Variants in DNAH11 observed in about 807,000 individuals in gnomAD.
DNAH11 encodes axonemal beta dynein heavy chain 11.
In DNAH11, 442 loss-of-function variants were observed where a neutral mutation model predicts 526.0. That is an observed-to-expected ratio of 0.84 (90% CI 0.78 to 0.91). The LOEUF is 0.91. Ranked by LOEUF, DNAH11 falls within the 40% of genes least tolerant of loss-of-function variation. DNAH11 has a pLI of 0.00. For missense variants in DNAH11, 6,989 were observed against 5,448.7 expected (o/e 1.28, Z -8.90); for synonymous variants, 2,461 against 1,935.9 (o/e 1.27, Z -7.12).
intron 42 of DNAH11, among the ~76,000 whole-genome samples, chr7:21,716,576 CTCT>C (rs1300314436): frequency 6.6e-6 from 1 of 152,160 alleles, no homozygotes; most frequent in Non-Finnish European, 1.5e-5. Context: ...CCTCTTTCAC[CTCT>C]TCTTGATAAG....
chr7:21,754,208 A>G (rs1214586386), intron 54 of DNAH11, among the ~76,000 whole-genome samples: 1 of 152,154 alleles, frequency 6.6e-6, no homozygotes, highest in Non-Finnish European at 1.5e-5. Flanking sequence ...GATGTGTCTA[A>G]TGTTTCACTG....
At chr7:21,576,991 A>C (rs974252991) in intron 8 of DNAH11, among the ~76,000 whole-genome samples, 1 of 152,216 alleles carries the variant, frequency 6.6e-6, no homozygotes, top group African/African-American at 2.4e-5. Flanking sequence ...AACAGACCTA[A>C]GAAGACTCTG....
intron 63 of DNAH11, among the ~76,000 whole-genome samples, chr7:21,809,337 A>G (rs1218994661): frequency 6.6e-6 from 1 of 152,086 alleles, no homozygotes; most frequent in Non-Finnish European, 1.5e-5. Context: ...TCTGTAGATT[A>G]TCTTTTCACT....
At chr7:21,772,962 A>T (rs1443613378) in intron 55 of DNAH11, among the ~76,000 whole-genome samples, 1 of 152,166 alleles carries the variant, frequency 6.6e-6, no homozygotes, top group Non-Finnish European at 1.5e-5. Context: ...CACTTTGGTA[A>T]ATTATGTGTG....
Position 21,744,508 on chromosome 7 carries a change from C to T in DNAH11, c.8225C>T (p.Ser2742Phe). 1 of 1,613,898 alleles carries T rather than the reference C, an allele frequency of 6.2e-7. No homozygotes were observed. Among genetic ancestry groups the T allele is most frequent in the Non-Finnish European group, 8.5e-7 (1 of 1,179,824 alleles). The change falls in exon 50 of 82, where the codon TCT (serine) becomes TTT (phenylalanine). Residue 2742 changes from serine (S) to phenylalanine (F), a missense_variant. By Grantham distance (155) the Ser-to-Phe change is radical (BLOSUM62 -2). Coordinates refer to ENST00000409508, the MANE Select transcript of DNAH11 (RefSeq NM_001277115.2). ...TTAATACATCTGTGGCTTCATGAAT[C>T]TGCCCGTGTTTATGGAGACAAACTG... is the stretch of plus-strand genomic sequence containing the variant. Reference protein sequence around the residue: ...LDLIHLWLHESARVYGDKLID... With the variant: ...LDLIHLWLHEFARVYGDKLID...
intron 72 of DNAH11, among the ~76,000 whole-genome samples, chr7:21,868,567 G>A (rs544406321): frequency 1.7e-4 from 26 of 152,270 alleles, no homozygotes; most frequent in Middle Eastern, 3.4e-3. Flanking sequence ...TGCTACTCCT[G>A]CAAGAGTTTA....
rs557996253 is a variant in DNAH11 at position 21,576,682 on chromosome 7, G to C, written c.1593+4709G>C. Among the ~76,000 whole-genome samples, 9 of 152,276 alleles carry C rather than the reference G, an allele frequency of 5.9e-5. No individual in the cohort carries two copies. In the South Asian group the frequency reaches 1.7e-3, roughly 28 times the overall value. On this transcript the variant is annotated intron_variant, in intron 8 of 81. Transcript: ENST00000409508. ...ATATCAGTGTCAATGCTGTATTTCAGCTTACTCGTGAAGACCTGGTCTTTG... is the reference window on the plus strand; with the variant it reads ...ATATCAGTGTCAATGCTGTATTTCACCTTACTCGTGAAGACCTGGTCTTTG...
rs367584390 is a variant in DNAH11 at position 21,901,070 on chromosome 7, C to T, written c.13367C>T (p.Pro4456Leu). The T allele has an allele frequency of 9.9e-6, 16 of 1,613,798 alleles. No homozygotes were observed. The highest frequency in any genetic ancestry group is 1.1e-5 in the Non-Finnish European group (13 of 1,179,824). Residue 4456 changes from proline (P) to leucine (L), a missense_variant, in exon 82 of 82, where the codon CCT (proline) becomes CTT (leucine). By Grantham distance (98) the Pro-to-Leu change is moderately conservative (BLOSUM62 -3). Transcript: ENST00000409508. ...VEARLKELACPMPVIFAKATP... is the reference protein window; with the variant it reads ...VEARLKELACLMPVIFAKATP... ...GCCCGTCTCAAGGAGCTGGCATGCC[C>T]TATGCCGGTCATCTTTGCAAAAGCC...
intron 28 of DNAH11, among the ~76,000 whole-genome samples, chr7:21,652,096 G>A (rs989359091): frequency 6.6e-6 from 1 of 152,188 alleles, no homozygotes; most frequent in Non-Finnish European, 1.5e-5. Context: ...ACATAGATGG[G>A]AGTCACAGAA....
intron 42 of DNAH11, among the ~76,000 whole-genome samples, chr7:21,712,990 G>A (rs1583618791): frequency 6.6e-6 from 1 of 152,164 alleles, no homozygotes; most frequent in East Asian, 1.9e-4. Context: ...TACATAAAAA[G>A]AAATCACTTA....
intron 42 of DNAH11, among the ~76,000 whole-genome samples, chr7:21,714,151 C>T (rs1223127514): frequency 6.6e-6 from 1 of 152,180 alleles, no homozygotes; most frequent in East Asian, 1.9e-4. Context: ...TGGTCCAAAT[C>T]CCTAAAGAAG....
chr7:21,812,909 C>T (rs1008684033), intron 63 of DNAH11, among the ~76,000 whole-genome samples: 1 of 152,096 alleles, frequency 6.6e-6, no homozygotes, highest in Non-Finnish European at 1.5e-5. Flanking sequence ...GGGTTGACGG[C>T]CATTACCCTT....
At chr7:21,697,177 C>G (rs1783893277) in intron 35 of DNAH11, among the ~76,000 whole-genome samples, 1 of 151,960 alleles carries the variant, frequency 6.6e-6, no homozygotes, top group Non-Finnish European at 1.5e-5. Context: ...AAATAATGAG[C>G]TTATTTATTT....
Position 21,659,010 on chromosome 7 carries a change from G to A in DNAH11, c.5307G>A (p.Leu1769=). The A allele has an allele frequency of 1.3e-6, 2 of 1,599,450 alleles. No individual in the cohort carries two copies. The highest frequency in any genetic ancestry group is 1.7e-6 in the Non-Finnish European group (2 of 1,173,758). The change falls in exon 30 of 82, where the codon CTG becomes CTA. Residue 1769 remains leucine (L), a synonymous_variant. Transcript: ENST00000409508. The stretch of plus-strand genomic sequence containing the variant: ...TGGAAGAAGGCTACGAAACAGCCCT[G>A]AAGGATTTCCATAAAAAACAGGTAT... ...SRLEEGYETA[L]KDFHKKQISQ... is the part of the protein sequence containing the mutation.
At chr7:21,744,147 A>G (rs573773733) in intron 49 of DNAH11, among the ~76,000 whole-genome samples, 1 of 152,302 alleles carries the variant, frequency 6.6e-6, no homozygotes, top group South Asian at 2.1e-4. Context: ...AACTTAGTCC[A>G]TTGTAAGGCT....
Position 21,818,346 on chromosome 7 carries a change from A to T in DNAH11, c.10691+7A>T. 2 of 1,606,080 alleles carry T rather than the reference A, an allele frequency of 1.2e-6. No homozygotes were observed. Among genetic ancestry groups the T allele is most frequent in the Non-Finnish European group, 1.7e-6 (2 of 1,177,162 alleles). On this transcript the variant is annotated splice_region_variant and intron_variant, in intron 65 of 81. Coordinates refer to ENST00000409508, the MANE Select transcript of DNAH11 (RefSeq NM_001277115.2). ...ACACAATTAAAAAAGGAAAGTAAGT[A>T]TTCTTGAATTTTTAACATATATATC...
chr7:21,583,361 G>A (rs897237044), intron 9 of DNAH11, among the ~76,000 whole-genome samples: 10 of 152,146 alleles, frequency 6.6e-5, no homozygotes, highest in Non-Finnish European at 1.5e-4. Context: ...TTAATAAATG[G>A]TGTTGGGAAA....
intron 40 of DNAH11, among the ~76,000 whole-genome samples, chr7:21,708,203 A>G (rs924083178): frequency 9.2e-5 from 14 of 152,170 alleles, no homozygotes; most frequent in African/African-American, 3.1e-4. Flanking sequence ...AAAAGTCAGT[A>G]GGGCATGTTG....
chr7:21,852,662 C>A, intron 67 of DNAH11, 31 bp downstream of exon 67: 1 of 1,541,050 alleles, frequency 6.5e-7, no homozygotes, highest in Non-Finnish European at 8.7e-7. Flanking sequence ...CTGGCAGATT[C>A]TAATGCTCTG....
Sources: allele counts gnomAD v4.1 joint callset (sites outside exome capture counted in the v4.1 genomes callset), GRCh38; gene constraint gnomAD v4.1.1; transcripts MANE v1.5; gene names NCBI Gene and HGNC (gene_info 2026-07-23, HGNC 2026-07-21).